RADIL: variants seen among roughly 807,000 people sequenced by gnomAD.
RADIL encodes the protein Rap associating with DIL domain, also known as ras-associating and dilute domain-containing protein.
In RADIL, 99 loss-of-function variants were observed where a neutral mutation model predicts 97.6. That is an observed-to-expected ratio of 1.01 (90% CI 0.86 to 1.20). The LOEUF is 1.20. Among genes scored for constraint, RADIL ranks in the 50% most tolerant of loss-of-function variants. RADIL has a pLI of 0.00. For synonymous variants in RADIL, 803 were observed against 691.8 expected, an observed-to-expected ratio of 1.16 and a Z score of -2.52; for missense variants, 1,765 against 1,498.9, an observed-to-expected ratio of 1.18 and a Z score of -2.93.
At chr7:4,807,998 CCCTCCCTCCTCCCTCTCCT>C (rs1782393519) in intron 9 of RADIL, among the ~76,000 whole-genome samples, 1 of 105,012 alleles carries the variant, frequency 9.5e-6, no homozygotes, top group Non-Finnish European at 2.0e-5. Flanking sequence ...TGTCTCTCTC[CCCTCCCTCCTCCCTCTCCT>C]CTCCCTCCAT....
intron 10 of RADIL, among the ~76,000 whole-genome samples, chr7:4,805,021 G>C (rs976389876): frequency 6.6e-6 from 1 of 152,154 alleles, no homozygotes; most frequent in Non-Finnish European, 1.5e-5. Context: ...TTGAACCTGG[G>C]AGGTGGAGGT....
Position 4,813,480 on chromosome 7 carries a change from T to A in RADIL, c.2139+1798A>T, listed in dbSNP as rs903873345. ...AAGTGTCTTAGGGAAAAGCCGGCCA[T>A]GCAATTCAGGCCCCTGAAGTCTCTG... On this transcript the variant is annotated intron_variant, in intron 9 of 14. Transcript: ENST00000399583. The surrounding 1 kb of genome is among the most constrained non-coding windows in gnomAD (Gnocchi z 5.0). Among the ~76,000 whole-genome samples, 2 of 152,226 alleles carry A rather than the reference T, an allele frequency of 1.3e-5. No homozygotes were observed. Among genetic ancestry groups the A allele is most frequent in the African/African-American group, 4.8e-5 (2 of 41,466 alleles).
At chr7:4,808,895 G>C (rs1219195610) in intron 9 of RADIL, 2 of 796,258 alleles carry the variant, frequency 2.5e-6, no homozygotes, top group African/African-American at 6.3e-5. Context: ...ACTGCCCCCC[G>C]TTCCGACGCC....
intron 11 of RADIL, 82 bp downstream of exon 11, chr7:4,803,464 C>A (rs1159471549): frequency 7.9e-7 from 1 of 1,260,120 alleles, no homozygotes; most frequent in African/African-American, 1.7e-5. Flanking sequence ...GCCCCCTCCC[C>A]GGGCACCTCG....
intron 2 of RADIL, 150 bp downstream of exon 2, chr7:4,877,455 T>C (rs1411789976): frequency 8.0e-6 from 7 of 876,826 alleles, no homozygotes. Flanking sequence ...AGAGGAAGGC[T>C]TCAAACATCC....
chr7:4,804,773 G>T (rs184043014), intron 10 of RADIL, among the ~76,000 whole-genome samples: 12 of 147,232 alleles, frequency 8.2e-5, no homozygotes, highest in Admixed American at 3.4e-4. Flanking sequence ...GTGACAGAGT[G>T]AGACTCTGTC....
In RADIL at chr7:4,836,494, C is replaced by G; in HGVS notation, c.647G>C (p.Ser216Thr). 1.2e-6 allele frequency: 2 copies of G among 1,607,734 alleles called. No homozygotes were observed. Among genetic ancestry groups the G allele is most frequent in the South Asian group, 1.1e-5 (1 of 90,694 alleles). The change falls in exon 3 of 15, where the codon AGT (serine) becomes ACT (threonine). Residue 216 changes from serine (S) to threonine (T), a missense_variant. Coordinates refer to ENST00000399583, the MANE Select transcript of RADIL (RefSeq NM_018059.5). ...GTTCACTGGGCTCAGGCTGGTCTCA[C>G]TGACTGTGCGGCGCAACCGGGGTGG... ...SPPPRLRRTV[S>T]ETSLSPVNAL...
In RADIL at chr7:4,801,887, G is replaced by C; in HGVS notation, c.2608C>G (p.Pro870Ala). The C allele has an allele frequency of 6.3e-7, 1 of 1,587,488 alleles. No homozygotes were observed. The highest frequency in any genetic ancestry group is 8.6e-7 in the Non-Finnish European group (1 of 1,167,170). The change falls in exon 12 of 15, where the codon CCC becomes GCC. Residue 870 changes from proline (P) to alanine (A), a missense_variant. Pro to Ala is a conservative substitution (Grantham distance 27). Coordinates refer to ENST00000399583, the MANE Select transcript of RADIL (RefSeq NM_018059.5). The stretch of plus-strand genomic sequence containing the variant: ...TGTGCCCAGGGAGCCCCCCTCAAGG[G>C]AAGAGTACGCTCCGGGGCCACTTCC... ...AREVAPERTL[P>A]LRGAPWAQAP...
At position 4,854,204 on chromosome 7, in the gene RADIL, G is replaced by C. The variant is rs1247894741; in HGVS notation, c.536-17599C>G. On this transcript the variant is annotated intron_variant, in intron 2 of 14. Coordinates refer to ENST00000399583, the MANE Select transcript of RADIL (RefSeq NM_018059.5). This position sits in a 1 kb window ranked among gnomAD's most constrained non-coding sequence, Gnocchi z 5.1. The stretch of plus-strand genomic sequence containing the variant: ...TGGGGCCGAAAGTAGAAAAAGCCTG[G>C]TCCCTGGTGACCAGGAAAGCCACCG... 1.3e-5 allele frequency among the ~76,000 whole-genome samples: 2 copies of C among 151,830 alleles called. No homozygotes were observed. The highest frequency in any genetic ancestry group is 4.9e-5 in the African/African-American group (2 of 41,126).
intron 4 of RADIL, among the ~76,000 whole-genome samples, chr7:4,833,147 A>G (rs1365076165): frequency 2.0e-5 from 3 of 152,202 alleles, no homozygotes; most frequent in Non-Finnish European, 4.4e-5. Context: ...TGGCTGGGAC[A>G]CAGGCTGGGA....
chr7:4,861,379 C>T (rs2115033762), intron 2 of RADIL: 1 of 1,614,198 alleles, frequency 6.2e-7, no homozygotes, highest in African/African-American at 1.3e-5. Context: ...TTAAATCTTT[C>T]ACTTCCTCCT....
At chr7:4,809,538 G>GC (rs1016362045) in intron 9 of RADIL, 1 of 985,280 alleles carries the variant, frequency 1.0e-6, no homozygotes, top group African/African-American at 1.7e-5. Context: ...CTGCTCGGGA[G>GC]CCCCCAGGCC....
intron 2 of RADIL, chr7:4,861,191 AC>A (rs1323114929): frequency 6.2e-7 from 1 of 1,614,132 alleles, no homozygotes; most frequent in African/African-American, 1.3e-5. Flanking sequence ...TTCATCGGTT[AC>A]CCGGCAACCA....
Position 4,817,724 on chromosome 7 carries a change from C to A in RADIL, c.1616-373G>T, listed in dbSNP as rs995270769. Among the ~76,000 whole-genome samples the A allele has an allele frequency of 6.6e-6, 1 of 152,180 alleles. No individual in the cohort carries two copies. Among genetic ancestry groups the A allele is most frequent in the African/African-American group, 2.4e-5 (1 of 41,432 alleles). ...CTCCCCACAGGTCACCTCTCACTCG[C>A]GACACGGGTCACAGGACTCTGGCAG... On this transcript the variant is annotated intron_variant, in intron 6 of 14. Coordinates refer to ENST00000399583, the MANE Select transcript of RADIL (RefSeq NM_018059.5). This position sits in a 1 kb window ranked among gnomAD's most constrained non-coding sequence, Gnocchi z 8.3.
chr7:4,861,294 T>G (rs1334249595), intron 2 of RADIL: 2 of 1,614,152 alleles, frequency 1.2e-6, no homozygotes, highest in Admixed American at 1.7e-5. Context: ...AGTGCTAATC[T>G]TGCAAATAAA....
Position 4,800,235 on chromosome 7 carries a change from T to C in RADIL, c.2918A>G (p.Tyr973Cys). 3 of 1,599,502 alleles carry C rather than the reference T, an allele frequency of 1.9e-6. No individual in the cohort carries two copies. Among genetic ancestry groups the C allele is most frequent in the South Asian group, 1.1e-5 (1 of 89,064 alleles). Residue 973 changes from tyrosine (Y) to cysteine (C), a missense_variant, in exon 13 of 15, where the codon TAC becomes TGC. Tyr to Cys is a radical substitution (Grantham distance 194). Coordinates refer to ENST00000399583, the MANE Select transcript of RADIL (RefSeq NM_018059.5). The stretch of plus-strand genomic sequence containing the variant: ...TCGTTCCAGCTCCACCGTGAAGACG[T>C]AGCAGAAGTCCTCGGTGCTGGAGCT... ...SRSSSTEDFC[Y>C]VFTVELERGP...
chr7:4,851,049 A>C (rs1783696041), intron 2 of RADIL, among the ~76,000 whole-genome samples: 1 of 151,958 alleles, frequency 6.6e-6, no homozygotes, highest in African/African-American at 2.4e-5. Flanking sequence ...TAAAAATGCA[A>C]GAAAAAGTAG....
At chr7:4,800,722 A>G (rs1782054852) in intron 12 of RADIL, among the ~76,000 whole-genome samples, 1 of 152,104 alleles carries the variant, frequency 6.6e-6, no homozygotes, top group Admixed American at 6.5e-5. Context: ...CCCAGGCCCT[A>G]GCCCAGCCCA....
rs1322322649 is a variant in RADIL at position 4,834,368 on chromosome 7, C to T, written c.1416+239G>A. ...GCTCAGGAGGTGACCTAGGACCCCA[C>T]GCAAACCCCACCCTCAGGGGCAAAG... On this transcript the variant is annotated intron_variant, in intron 4 of 14. Transcript: ENST00000399583. This position sits in a 1 kb window ranked among gnomAD's most constrained non-coding sequence, Gnocchi z 6.0. Among the ~76,000 whole-genome samples, 2 of 152,180 alleles carry T rather than the reference C, an allele frequency of 1.3e-5. No individual in the cohort carries two copies. The highest frequency in any genetic ancestry group is 1.9e-4 in the East Asian group (1 of 5,186).
Sources: allele counts gnomAD v4.1 joint callset (sites outside exome capture counted in the v4.1 genomes callset), GRCh38; gene constraint gnomAD v4.1.1; non-coding constraint Gnocchi (gnomAD v3.1); transcripts MANE v1.5; gene names NCBI Gene and HGNC (gene_info 2026-07-23, HGNC 2026-07-21).